The following CBLN2 variants were observed in gnomAD, a reference collection of about 807,000 sequenced individuals.
CBLN2 encodes the protein cerebellin 2 precursor.
A neutral mutation model predicts 15.0 loss-of-function variants in CBLN2; 7 were observed. The ratio of observed to expected loss-of-function variants is 0.47; its 90% CI spans 0.27 to 0.88. The LOEUF (loss-of-function observed/expected upper bound fraction) is 0.88, where lower values mean the gene tolerates loss of function less well. CBLN2 is among the 40% of genes least tolerant of loss of function. The pLI is 0.14. For missense variants in CBLN2, 242 were observed against 304.5 expected (o/e 0.79, Z 1.53); for synonymous variants, 149 against 135.2 (o/e 1.10, Z -0.71).
At chr18:72,597,230 T>C (rs921820319) in intron 1 of CBLN2, among the ~76,000 whole-genome samples, 9 of 152,222 alleles carry the variant, frequency 5.9e-5, no homozygotes, top group Non-Finnish European at 1.3e-4. Flanking sequence ...CTTTGGTCAC[T>C]GCAGCCATAT....
At chr18:72,602,591 G>A (rs1036829935) in intron 1 of CBLN2, among the ~76,000 whole-genome samples, 1 of 152,130 alleles carries the variant, frequency 6.6e-6, no homozygotes, top group Non-Finnish European at 1.5e-5. Context: ...TTGTCGGGGT[G>A]CCGCCGTGAA....
Position 72,618,575 on chromosome 18 carries a change from T to A in CBLN2, c.15+19750A>T, listed in dbSNP as rs2069678459. On this transcript the variant is annotated intron_variant, in intron 1 of 2. Coordinates refer to the CBLN2 transcript ENST00000581073. ...CAAAGACCAGGTGTCCACTTAACTGTGAAAAGTATACGTGTTGGTGGCATT... is the reference window on the plus strand; with the variant it reads ...CAAAGACCAGGTGTCCACTTAACTGAGAAAAGTATACGTGTTGGTGGCATT... 5 of 844,020 alleles carry A rather than the reference T, an allele frequency of 5.9e-6. No individual in the cohort carries two copies. The Admixed American group carries it at 7.0e-5, about 12-fold the overall frequency. 52.3% of individuals were successfully genotyped at this position (844,020 alleles called of 1,614,324 possible). A position where few individuals can be genotyped will look rare whatever the true frequency, so the allele number is the denominator to read the frequency against.
intron 1 of CBLN2, chr18:72,618,281 G>T: frequency 2.7e-6 from 1 of 368,316 alleles, no homozygotes; most frequent in Non-Finnish European, 5.2e-6. Context: ...CTAAGTCAGA[G>T]TCTCCTAAAG....
At chr18:72,570,281 G>GT (rs2069322629) in intron 1 of CBLN2, among the ~76,000 whole-genome samples, 2 of 95,114 alleles carry the variant, frequency 2.1e-5, no homozygotes, top group Admixed American at 1.1e-4. Flanking sequence ...CTTTCTTTCT[G>GT]GTTTTTTTTT....
At chr18:72,636,212 T>C (rs146979390) in intron 1 of CBLN2, among the ~76,000 whole-genome samples, 166 of 152,346 alleles carry the variant, frequency 1.1e-3, no homozygotes, top group African/African-American at 3.9e-3. Flanking sequence ...AATATTCAAA[T>C]ACTAGTTACG....
At chr18:72,577,943 T>C (rs1330367740) in intron 1 of CBLN2, among the ~76,000 whole-genome samples, 1 of 152,214 alleles carries the variant, frequency 6.6e-6, no homozygotes, top group Admixed American at 6.5e-5. Flanking sequence ...TGAATAATGA[T>C]ATGTTATGCT....
At chr18:72,572,466 T>G (rs989033823) in intron 1 of CBLN2, among the ~76,000 whole-genome samples, 8 of 152,234 alleles carry the variant, frequency 5.3e-5, no homozygotes, top group African/African-American at 1.2e-4. Flanking sequence ...AAGTATTTCT[T>G]ACCATAATGT....
At chr18:72,602,119 A>T (rs2069552439) in intron 1 of CBLN2, among the ~76,000 whole-genome samples, 1 of 152,196 alleles carries the variant, frequency 6.6e-6, no homozygotes. Flanking sequence ...TTTGAAGCAG[A>T]ACAAAGACAT....
At chr18:72,602,893 C>T (rs1283696209) in intron 1 of CBLN2, among the ~76,000 whole-genome samples, 1 of 152,230 alleles carries the variant, frequency 6.6e-6, no homozygotes, top group African/African-American at 2.4e-5. Flanking sequence ...ATACTTACCT[C>T]TTACTGGCTT....
intron 1 of CBLN2, among the ~76,000 whole-genome samples, chr18:72,615,139 A>AAT (rs1234085573): frequency 2.3e-4 from 31 of 135,868 alleles, no homozygotes; most frequent in African/African-American, 8.5e-4. Context: ...ATATTATATA[A>AAT]ATAAATATAA....
At chr18:72,558,844 G>T (rs187527369) in intron 1 of CBLN2, among the ~76,000 whole-genome samples, 44 of 152,214 alleles carry the variant, frequency 2.9e-4, no homozygotes, top group African/African-American at 1.1e-3. Context: ...ACTTGAGCCC[G>T]GGAGTTCAAG....
intron 1 of CBLN2, among the ~76,000 whole-genome samples, chr18:72,596,476 A>G (rs1233668426): frequency 6.6e-6 from 1 of 152,062 alleles, no homozygotes; most frequent in Middle Eastern, 3.2e-3. Flanking sequence ...TCAGTGTTAT[A>G]ATATTCTGTG....
intron 1 of CBLN2, among the ~76,000 whole-genome samples, chr18:72,610,541 G>A (rs2069614980): frequency 6.6e-6 from 1 of 152,032 alleles, no homozygotes; most frequent in South Asian, 2.1e-4. Flanking sequence ...CACTACATGA[G>A]GGAAGGGACT....
chr18:72,572,650 C>G (rs564781287), intron 1 of CBLN2, among the ~76,000 whole-genome samples: 1 of 152,150 alleles, frequency 6.6e-6, no homozygotes, highest in Admixed American at 6.5e-5. Context: ...AACTCCTAGC[C>G]TCAAGGAATC....
At chr18:72,565,310 ATAT>A (rs1031709505) in intron 1 of CBLN2, among the ~76,000 whole-genome samples, 8 of 152,252 alleles carry the variant, frequency 5.3e-5, no homozygotes, top group African/African-American at 1.9e-4. Context: ...ACAGTATTTA[ATAT>A]TATTACTGTA....
At chr18:72,582,732 T>C (rs2069414232) in intron 1 of CBLN2, among the ~76,000 whole-genome samples, 1 of 152,106 alleles carries the variant, frequency 6.6e-6, no homozygotes, top group Non-Finnish European at 1.5e-5. Context: ...GCCAATATAC[T>C]TAAACAGATT....
intron 1 of CBLN2, among the ~76,000 whole-genome samples, chr18:72,621,423 T>C (rs1249300523): frequency 1.3e-5 from 2 of 152,246 alleles, no homozygotes; most frequent in Non-Finnish European, 2.9e-5. Context: ...TCTGAGCTTT[T>C]TCTTTGTAAA....
upstream of CBLN2, chr18:72,544,628 A>T (rs918533261): frequency 3.3e-5 from 5 of 151,102 alleles, no homozygotes; most frequent in South Asian, 4.2e-4. Flanking sequence ...TAATAATATA[A>T]TAATAATAAT....
In CBLN2 at chr18:72,541,859, G is replaced by T. The variant is rs1462981966; in HGVS notation, c.302C>A (p.Thr101Asn). ...AKVAFSATRS[T>N]NHEPSEMSNR... ...GCTCATCTCGGACGGCTCGTGGTTG[G>T]TGCTCCGCGTGGCGGAGAAGGCCAC... is the stretch of plus-strand genomic sequence containing the variant. The change falls in exon 3 of 5, where the codon ACC becomes AAC. Residue 101 changes from threonine (T) to asparagine (N), a missense_variant. Around this residue, in one of 4 missense-constraint regions of CBLN2, gnomAD observed 89 missense variants for 114.2 expected, o/e 0.78. Coordinates refer to ENST00000269503, the MANE Select transcript of CBLN2 (RefSeq NM_182511.4). 3.7e-6 allele frequency: 6 copies of T among 1,602,844 alleles called. No homozygotes were observed. The highest frequency in any genetic ancestry group is 5.1e-6 in the Non-Finnish European group (6 of 1,176,802).
Sources: allele counts gnomAD v4.1 joint callset (sites outside exome capture counted in the v4.1 genomes callset), GRCh38; gene constraint gnomAD v4.1.1; regional missense constraint gnomAD v4.1.1; transcripts MANE v1.5; gene names NCBI Gene and HGNC (gene_info 2026-07-23, HGNC 2026-07-21).